GATAD1: variants seen among roughly 807,000 people sequenced by gnomAD.
GATAD1 encodes the protein GATA zinc finger domain-containing protein 1.
In GATAD1, 12 loss-of-function variants were observed where a neutral mutation model predicts 26.5. The observed-to-expected ratio is 0.45, with a 90% confidence interval of 0.29 to 0.73. The LOEUF is 0.73. Among genes scored for constraint, GATAD1 ranks in the 30% least tolerant of loss-of-function variants. The pLI is 0.10. For synonymous variants in GATAD1, 129 were observed against 133.1 expected, an observed-to-expected ratio of 0.97 and a Z score of 0.21; for missense variants, 266 against 342.1, an observed-to-expected ratio of 0.78 and a Z score of 1.75.
chr7:92,447,654 C>A lies in GATAD1; in HGVS notation c.-76C>A. 2.3e-6 allele frequency: 3 copies of A among 1,324,898 alleles called. No homozygotes were observed. The highest frequency in any genetic ancestry group is 2.9e-6 in the Non-Finnish European group (3 of 1,034,860). The allele number at this position is 1,324,898 out of a possible 1,614,324, so 82.1% of individuals were successfully genotyped here. On this transcript the variant is annotated 5_prime_UTR_variant, in exon 1 of 5. Transcript: ENST00000287957. Reference sequence around the variant, plus strand: ...CTTCCTATCGCCGGGAGTGGCGGGCCGACCAGGGGGCGGCCGGGCTACCGT... The same window carrying A: ...CTTCCTATCGCCGGGAGTGGCGGGCAGACCAGGGGGCGGCCGGGCTACCGT...
the GATAD1 span, among the ~76,000 whole-genome samples, chr7:92,479,849 G>A: frequency 6.6e-6 from 1 of 152,152 alleles, no homozygotes; most frequent in Non-Finnish European, 1.5e-5. Context: ...ATGCGGTTTT[G>A]TATGAATTGA....
chr7:92,463,823 G>T (rs1211607521), downstream of GATAD1, among the ~76,000 whole-genome samples: 1 of 152,022 alleles, frequency 6.6e-6, no homozygotes, highest in Non-Finnish European at 1.5e-5. Context: ...ACAAAAATTA[G>T]TCGAGTGTGG....
chr7:92,466,203 G>A, the GATAD1 span, among the ~76,000 whole-genome samples: 1 of 152,000 alleles, frequency 6.6e-6, no homozygotes, highest in African/African-American at 2.4e-5. Flanking sequence ...TTCTTGCACT[G>A]TCACCCGGGC....
the GATAD1 span, among the ~76,000 whole-genome samples, chr7:92,478,209 T>C: frequency 1.3e-5 from 2 of 152,210 alleles, no homozygotes; most frequent in Non-Finnish European, 2.9e-5. Flanking sequence ...AGATAATTGC[T>C]GTATCTCCAG....
chr7:92,494,225 G>C, the GATAD1 span: 1 of 1,165,160 alleles, frequency 8.6e-7, no homozygotes, highest in Non-Finnish European at 1.3e-6. Flanking sequence ...TTACCTGGCA[G>C]AAGTAAAGCT....
At chr7:92,495,567 A>T in the GATAD1 span, among the ~76,000 whole-genome samples, 1 of 152,090 alleles carries the variant, frequency 6.6e-6, no homozygotes, top group African/African-American at 2.4e-5. Flanking sequence ...TGTCTATGTC[A>T]CCTAAGTTTT....
intron 3 of GATAD1, 130 bp from the exon 4 acceptor site, chr7:92,454,372 C>T (rs980526092): frequency 3.3e-5 from 23 of 707,594 alleles, no homozygotes; most frequent in Non-Finnish European, 4.9e-5. Context: ...CATATAAACA[C>T]TGATACATTA....
In GATAD1 at chr7:92,456,482, C is replaced by T; in HGVS notation, c.730C>T (p.Pro244Ser). The stretch of plus-strand genomic sequence containing the variant: ...ACCATTTCCCACAGTTCCCACCAGA[C>T]CAGAGAAGGGCTACATATGGACTCA... ...SSPFPTVPTRPEKGYIWTHVG... is the reference protein window; with the variant it reads ...SSPFPTVPTRSEKGYIWTHVG... Residue 244 changes from proline (P) to serine (S), a missense_variant, in exon 5 of 5, where the codon CCA becomes TCA. Transcript: ENST00000287957. 1.2e-6 allele frequency: 2 copies of T among 1,612,340 alleles called. No homozygotes were observed. Among genetic ancestry groups the T allele is most frequent in the South Asian group, 1.1e-5 (1 of 91,036 alleles).
chr7:92,448,221 CAT>C (rs1219926280), intron 1 of GATAD1, among the ~76,000 whole-genome samples: 2 of 152,232 alleles, frequency 1.3e-5, no homozygotes, highest in African/African-American at 2.4e-5. Context: ...TCAATATACA[CAT>C]GTCTACACAG....
chr7:92,493,275 C>T, the GATAD1 span: 2 of 504,484 alleles, frequency 4.0e-6, no homozygotes, highest in East Asian at 3.4e-5. Flanking sequence ...CAACAGCCTA[C>T]TATTTATCTT....
chr7:92,471,796 T>C, the GATAD1 span: 3 of 152,250 alleles, frequency 2.0e-5, no homozygotes, highest in Non-Finnish European at 4.4e-5. Flanking sequence ...ATAGGTGTTC[T>C]CTCAGAAGTT....
In GATAD1 at chr7:92,448,811, T is replaced by C; in HGVS notation, c.309T>C (p.Ala103=). Reference sequence around the variant, plus strand: ...TCAGAAACACTAAATACAAATCTGCTCCGGCTGCTGAAAAGAAAGTCTCCA... The same window carrying C: ...TCAGAAACACTAAATACAAATCTGCCCCGGCTGCTGAAAAGAAAGTCTCCA... The part of the protein sequence containing the change: ...ARLRNTKYKS[A]PAAEKKVSTK... Residue 103 remains alanine (A), a synonymous_variant, in exon 2 of 5, where the codon GCT becomes GCC. Coordinates refer to ENST00000287957, the MANE Select transcript of GATAD1 (RefSeq NM_021167.5). The C allele has an allele frequency of 6.2e-7, 1 of 1,610,188 alleles. No individual in the cohort carries two copies. The highest frequency in any genetic ancestry group is 8.5e-7 in the Non-Finnish European group (1 of 1,176,344).
the GATAD1 span, chr7:92,493,841 CATTT>C: frequency 7.9e-5 from 15 of 190,936 alleles, no homozygotes; most frequent in African/African-American, 2.9e-4. Flanking sequence ...TTCTTTCATT[CATTT>C]ATTTGTTTGC....
At chr7:92,486,411 T>C in the GATAD1 span, among the ~76,000 whole-genome samples, 1 of 152,252 alleles carries the variant, frequency 6.6e-6, no homozygotes, top group Non-Finnish European at 1.5e-5. Flanking sequence ...ACATTGCTTC[T>C]GATCATGAAA....
chr7:92,449,142 C>G, intron 2 of GATAD1: 1 of 1,132,150 alleles, frequency 8.8e-7, no homozygotes, highest in Non-Finnish European at 1.1e-6. Context: ...AAAGAAACAT[C>G]AACCTTGAGC....
chr7:92,487,645 G>A, the GATAD1 span: 3 of 505,906 alleles, frequency 5.9e-6, no homozygotes, highest in Non-Finnish European at 6.9e-6. Context: ...AAATGAACGG[G>A]AAATAACAAA....
chr7:92,495,273 AGAT>A, the GATAD1 span, among the ~76,000 whole-genome samples: 1 of 152,202 alleles, frequency 6.6e-6, no homozygotes, highest in Non-Finnish European at 1.5e-5. Context: ...CAGGTGGACT[AGAT>A]GTCTGGCGAA....
chr7:92,472,032 A>G, the GATAD1 span: 1 of 152,188 alleles, frequency 6.6e-6, no homozygotes, highest in African/African-American at 2.4e-5. Flanking sequence ...TCCTTTTTCT[A>G]CAAAGGAACT....
chr7:92,476,528 T>C, the GATAD1 span, among the ~76,000 whole-genome samples: 9 of 152,234 alleles, frequency 5.9e-5, no homozygotes, highest in Non-Finnish European at 1.3e-4. Flanking sequence ...GTTTTAAATT[T>C]ACCCTGGCTT....
Sources: gnomAD v4.1 joint callset for allele counts (sites outside exome capture counted in the v4.1 genomes callset) on GRCh38, gnomAD v4.1.1 for gene constraint, MANE v1.5 for transcripts, NCBI Gene and HGNC (gene_info 2026-07-23, HGNC 2026-07-21) for gene names.